The following TMEM236 variants were observed in gnomAD, a reference collection of about 807,000 sequenced individuals.
The protein encoded by TMEM236 is transmembrane protein 236.
TMEM236 carries 11 observed loss-of-function variants against 14.7 expected under a neutral mutation model. The ratio of observed to expected loss-of-function variants is 0.75; its 90% CI spans 0.47 to 1.24. The LOEUF (loss-of-function observed/expected upper bound fraction) is 1.24. Among genes scored for constraint, TMEM236 ranks in the 50% most tolerant of loss-of-function variants. TMEM236 has a pLI of 0.00. For missense variants in TMEM236, 464 were observed against 427.3 expected, an observed-to-expected ratio of 1.09 and a Z score of -0.76; for synonymous variants, 182 against 168.6, an observed-to-expected ratio of 1.08 and a Z score of -0.62.
Position 17,796,527 on chromosome 10 carries a change from G to A in TMEM236, c.*23G>A. The A allele has an allele frequency of 6.4e-7, 1 of 1,565,702 alleles. No individual in the cohort carries two copies. Among genetic ancestry groups the A allele is most frequent in the Non-Finnish European group, 8.8e-7 (1 of 1,136,492 alleles). On this transcript the variant is annotated 3_prime_UTR_variant, in exon 4 of 4. Transcript: ENST00000377495. ...TAAAAAGGAAATGGGATCTAGTAAGGCCTCTTTGTGATACCTGTGTGCACA... is the reference window on the plus strand; with the variant it reads ...TAAAAAGGAAATGGGATCTAGTAAGACCTCTTTGTGATACCTGTGTGCACA...
intron 1 of TMEM236, among the ~76,000 whole-genome samples, chr10:17,753,261 T>G (rs1837235403): frequency 6.6e-6 from 1 of 152,222 alleles, no homozygotes; most frequent in African/African-American, 2.4e-5. Flanking sequence ...GTTTGTCTGT[T>G]GTTTGACTTT....
intron 3 of TMEM236, among the ~76,000 whole-genome samples, chr10:17,793,161 T>A (rs1837953917): frequency 6.6e-6 from 1 of 152,336 alleles, no homozygotes; most frequent in East Asian, 1.9e-4. Flanking sequence ...CACATACACA[T>A]GTATCTCATT....
At chr10:17,768,727 ATGTGTGTGTGTGTGTG>A (rs570319904) in intron 1 of TMEM236, among the ~76,000 whole-genome samples, 1 of 144,202 alleles carries the variant, frequency 6.9e-6, no homozygotes. Flanking sequence ...TATACAACTC[ATGTGTGTGTGTGTGTG>A]TGTGTGTGTG....
chr10:17,762,669 A>G (rs933956464), intron 1 of TMEM236, among the ~76,000 whole-genome samples: 1 of 145,552 alleles, frequency 6.9e-6, no homozygotes, highest in Admixed American at 7.1e-5. Flanking sequence ...ATAAATATAT[A>G]TATTTAGGTT....
chr10:17,770,819 G>T (rs34605460), intron 1 of TMEM236, among the ~76,000 whole-genome samples: 8,372 of 151,818 alleles, frequency 0.055, 356 homozygotes, highest in East Asian at 0.21. Context: ...TTTTATGTGT[G>T]TATGGTTTTT....
intron 1 of TMEM236, among the ~76,000 whole-genome samples, chr10:17,757,305 C>G (rs1837297971): frequency 6.6e-6 from 1 of 152,094 alleles, no homozygotes; most frequent in Admixed American, 6.6e-5. Flanking sequence ...ACTGATAAAG[C>G]TAGCAAGTGG....
At chr10:17,763,561 C>T (rs1052093197) in intron 1 of TMEM236, among the ~76,000 whole-genome samples, 35,893 of 152,044 alleles carry the variant, frequency 0.24, 4,844 homozygotes, top group African/African-American at 0.37. Flanking sequence ...AGCTTTTTAG[C>T]ACATGTGGTT....
chr10:17,791,969 A>T (rs2477657), intron 3 of TMEM236, among the ~76,000 whole-genome samples: 2 of 152,248 alleles, frequency 1.3e-5, no homozygotes, highest in Non-Finnish European at 2.9e-5. Context: ...CGGCACTCTC[A>T]TATTTGCTCA....
rs1360928067 is a variant in TMEM236, at chr10:17,798,278, C to T, written c.*1774C>T. The T allele has an allele frequency of 7.3e-6, 2 of 273,520 alleles. No homozygotes were observed. Among genetic ancestry groups the T allele is most frequent in the African/African-American group, 2.2e-5 (1 of 44,684 alleles). The allele number at this position is 273,520 out of a possible 1,614,324, so 16.9% of individuals were successfully genotyped here. A position where few individuals can be genotyped will look rare whatever the true frequency, so the allele number is the denominator to read the frequency against. ...ATATGGCCGGCTGTGGTGGCTCACACGTGTAATCCCAGCACTTTGGGAGGT... is the reference window on the plus strand; with the variant it reads ...ATATGGCCGGCTGTGGTGGCTCACATGTGTAATCCCAGCACTTTGGGAGGT... On this transcript the variant is annotated 3_prime_UTR_variant, in exon 4 of 4. Transcript: ENST00000377495.
chr10:17,763,616 CA>C (rs1318198539), intron 1 of TMEM236, among the ~76,000 whole-genome samples: 3 of 152,006 alleles, frequency 2.0e-5, no homozygotes, highest in African/African-American at 7.3e-5. Flanking sequence ...TTGGAGTAAT[CA>C]GAGAAAGTCT....
intron 3 of TMEM236, among the ~76,000 whole-genome samples, chr10:17,792,304 T>C (rs902412667): frequency 6.6e-6 from 1 of 152,216 alleles, no homozygotes; most frequent in African/African-American, 2.4e-5. Context: ...GCCAGGTTGA[T>C]CTGGATGTCC....
intron 3 of TMEM236, among the ~76,000 whole-genome samples, chr10:17,790,104 C>T (rs1431424985): frequency 6.6e-6 from 1 of 152,106 alleles, no homozygotes; most frequent in Non-Finnish European, 1.5e-5. Context: ...ATAGCGCATG[C>T]CTGTAGTCCC....
chr10:17,755,644 C>T (rs1214216870), intron 1 of TMEM236, among the ~76,000 whole-genome samples: 1 of 152,180 alleles, frequency 6.6e-6, no homozygotes, highest in Non-Finnish European at 1.5e-5. Context: ...GACCCTCCAC[C>T]TCTCACACCC....
intron 3 of TMEM236, among the ~76,000 whole-genome samples, chr10:17,789,806 G>A (rs948419442): frequency 2.6e-5 from 4 of 152,010 alleles, no homozygotes; most frequent in Non-Finnish European, 4.4e-5. Context: ...AGGATCCCGA[G>A]GTCAGGAGAT....
In TMEM236 at chr10:17,768,086, G is replaced by GTTTTTTTTT. The variant is rs879036347; in HGVS notation, c.258-3209_258-3201dup. 7.5e-4 allele frequency among the ~76,000 whole-genome samples: 69 copies of GTTTTTTTTT among 92,010 alleles called. 3 individuals are homozygous for GTTTTTTTTT. The highest frequency in any genetic ancestry group is 2.7e-3 in the African/African-American group (61 of 22,732). 60.4% of individuals were successfully genotyped at this position (92,010 alleles called of 152,430 possible). ...CCACCACACCTCGCTAATTTTTGTG[G>GTTTTTTTTT]TTTTTTTTTTTTTTTTTTTTTTGTA... On this transcript the variant is annotated intron_variant, in intron 1 of 3. Transcript: ENST00000377495.
At chr10:17,762,081 C>T (rs1837374160) in intron 1 of TMEM236, among the ~76,000 whole-genome samples, 2 of 152,198 alleles carry the variant, frequency 1.3e-5, no homozygotes, top group African/African-American at 4.8e-5. Flanking sequence ...CCCATCAGCT[C>T]GCATAATATA....
intron 3 of TMEM236, among the ~76,000 whole-genome samples, chr10:17,783,260 A>T (rs1837783587): frequency 6.6e-6 from 1 of 152,150 alleles, no homozygotes; most frequent in Non-Finnish European, 1.5e-5. Context: ...GACTGGTTAC[A>T]CAGGCTGGGA....
intron 1 of TMEM236, among the ~76,000 whole-genome samples, chr10:17,754,237 T>C (rs1837250348): frequency 6.6e-6 from 1 of 152,252 alleles, no homozygotes; most frequent in Non-Finnish European, 1.5e-5. Context: ...TTTTTAATTA[T>C]TTACATTGCA....
rs1462987137 is a variant in TMEM236 at position 17,796,528 on chromosome 10, C to T, written c.*24C>T. 1 of 1,562,512 alleles carries T rather than the reference C, an allele frequency of 6.4e-7. No homozygotes were observed. Among genetic ancestry groups the T allele is most frequent in the African/African-American group, 1.4e-5 (1 of 73,580 alleles). On this transcript the variant is annotated 3_prime_UTR_variant, in exon 4 of 4. Coordinates refer to ENST00000377495, the MANE Select transcript of TMEM236 (RefSeq NM_001098844.3). ...AAAAAGGAAATGGGATCTAGTAAGG[C>T]CTCTTTGTGATACCTGTGTGCACAT...
Sources: allele counts gnomAD v4.1 joint callset (sites outside exome capture counted in the v4.1 genomes callset), GRCh38; gene constraint gnomAD v4.1.1; transcripts MANE v1.5; gene names NCBI Gene and HGNC (gene_info 2026-07-23, HGNC 2026-07-21).